The following YES1 variants were observed in gnomAD, a reference collection of about 807,000 sequenced individuals.
The protein encoded by YES1 is YES proto-oncogene 1, Src family tyrosine kinase.
A neutral mutation model predicts 70.4 loss-of-function variants in YES1; 39 were observed. The observed-to-expected ratio is 0.55, with a 90% confidence interval of 0.43 to 0.72. The LOEUF (loss-of-function observed/expected upper bound fraction) is 0.72. Among genes scored for constraint, YES1 ranks in the 30% least tolerant of loss-of-function variants. The pLI is 0.00. For missense variants in YES1, 495 were observed against 644.8 expected (o/e 0.77, Z 2.52); for synonymous variants, 198 against 218.6 (o/e 0.91, Z 0.83).
At chr18:775,523 G>A (rs1164223305) in intron 1 of YES1, among the ~76,000 whole-genome samples, 1 of 152,172 alleles carries the variant, frequency 6.6e-6, no homozygotes, top group Non-Finnish European at 1.5e-5. Context: ...ACGGCCGGAT[G>A]TAGTGGCTCA....
At chr18:783,877 G>T (rs750812978) in intron 1 of YES1, among the ~76,000 whole-genome samples, 1 of 152,120 alleles carries the variant, frequency 6.6e-6, no homozygotes, top group Non-Finnish European at 1.5e-5. Context: ...GCCTCCCAAA[G>T]TGCTGGGATT....
At chr18:731,843 T>C (rs2145675207) in intron 11 of YES1, among the ~76,000 whole-genome samples, 1 of 151,774 alleles carries the variant, frequency 6.6e-6, no homozygotes, top group South Asian at 2.1e-4. Context: ...GGCGGGTGCC[T>C]ATAGTCCTAG....
intron 11 of YES1, among the ~76,000 whole-genome samples, chr18:729,910 C>T (rs558834846): frequency 1.3e-5 from 2 of 152,296 alleles, no homozygotes; most frequent in African/African-American, 4.8e-5. Flanking sequence ...CAGGCGTGAG[C>T]CACAGCGCCC....
At chr18:779,253 A>T (rs1344394888) in intron 1 of YES1, among the ~76,000 whole-genome samples, 1 of 151,964 alleles carries the variant, frequency 6.6e-6, no homozygotes, top group Non-Finnish European at 1.5e-5. Flanking sequence ...AAATTTTTTA[A>T]ATCAGCCAAG....
rs1278146859 is a variant in YES1, at chr18:723,856, T to C, written c.*568A>G. The C allele has an allele frequency of 1.3e-5, 2 of 153,780 alleles. No individual in the cohort carries two copies. Among genetic ancestry groups the C allele is most frequent in the Non-Finnish European group, 2.9e-5 (2 of 68,812 alleles). 9.5% of individuals were successfully genotyped at this position (153,780 alleles called of 1,614,324 possible). ...ACATTTAATCAAGTTTGAGATCCTG[T>C]TTATATTCCTTTTGAAAAACCTGGC... On this transcript the variant is annotated 3_prime_UTR_variant, in exon 12 of 12. Transcript: ENST00000314574.
At chr18:800,535 C>T (rs762131756) in intron 1 of YES1, among the ~76,000 whole-genome samples, 28 of 152,206 alleles carry the variant, frequency 1.8e-4, no homozygotes, top group Non-Finnish European at 2.9e-4. Flanking sequence ...CTAGTATTCC[C>T]GCTAGAAAAC....
rs75320654 is a variant in YES1 at position 774,700 on chromosome 18, G to A, written c.-8-17865C>T. ...CACCTTTCACTAATTCAACAATACT[G>A]AATTATTCTAATAGCCTAACTGGTC... On this transcript the variant is annotated intron_variant, in intron 1 of 11. Transcript: ENST00000314574. Among the ~76,000 whole-genome samples the A allele has an allele frequency of 3.7e-4, 56 of 152,150 alleles. 1 individual carries two copies. In the East Asian group the frequency reaches 9.3e-3, roughly 25 times the overall value.
intron 1 of YES1, among the ~76,000 whole-genome samples, chr18:782,436 A>G (rs888778069): frequency 6.6e-6 from 1 of 152,176 alleles, no homozygotes; most frequent in African/African-American, 2.4e-5. Flanking sequence ...CACCTGAACC[A>G]TGAGATGATA....
intron 1 of YES1, among the ~76,000 whole-genome samples, chr18:767,209 A>G (rs3897601): frequency 0.63 from 95,297 of 152,014 alleles, 30,935 homozygotes; most frequent in African/African-American, 0.81. Flanking sequence ...GAGTACAGTG[A>G]CATGATAATG....
chr18:727,189 T>C (rs2080031107), intron 11 of YES1, among the ~76,000 whole-genome samples: 1 of 152,186 alleles, frequency 6.6e-6, no homozygotes. Context: ...TTTTGGATTT[T>C]TGTTTCCCTG....
In YES1 at chr18:742,993, G is replaced by A. The variant is rs144591033; in HGVS notation, c.985C>T (p.His329Tyr). The change falls in exon 8 of 12, where the codon CAT (histidine) becomes TAT (tyrosine). Residue 329 changes from histidine (H) to tyrosine (Y), a missense_variant. Physicochemically the swap from His to Tyr is moderately conservative, Grantham distance 83 (BLOSUM62 2). Coordinates refer to ENST00000314574, the MANE Select transcript of YES1 (RefSeq NM_005433.4). ...QEAQIMKKLR[H>Y]DKLVPLYAVV... is the part of the protein sequence containing the mutation. ...GCATATAGTGGAACAAGTTTATCAT[G>A]TCTTAATTTTTTCATTATCTGAGCT... 3.7e-6 allele frequency: 6 copies of A among 1,611,466 alleles called. No homozygotes were observed. The highest frequency in any genetic ancestry group is 1.3e-5 in the African/African-American group (1 of 74,790).
At chr18:732,311 G>T (rs374360898) in intron 11 of YES1, among the ~76,000 whole-genome samples, 1 of 151,418 alleles carries the variant, frequency 6.6e-6, no homozygotes, top group Admixed American at 6.6e-5. Flanking sequence ...GTGGTGGTGG[G>T]TGCCTGTAAT....
In YES1 at chr18:743,008, T is replaced by C; in HGVS notation, c.970A>G (p.Met324Val). The C allele has an allele frequency of 6.2e-7, 1 of 1,612,310 alleles. No individual in the cohort carries two copies. Residue 324 changes from methionine to valine, a missense_variant, in exon 8 of 12, where the codon ATG becomes GTG. Met to Val is a conservative substitution (Grantham distance 21). This residue lies in a region of YES1 where 385 missense variants were observed against 540.9 expected (regional missense o/e 0.71). Transcript: ENST00000314574. ...PEAFLQEAQI[M>V]KKLRHDKLVP... ...AGTTTATCATGTCTTAATTTTTTCA[T>C]TATCTGAGCTTCTTGAAGGAAAGCT...
chr18:734,057 T>G (rs948095656), intron 10 of YES1, among the ~76,000 whole-genome samples: 2 of 152,096 alleles, frequency 1.3e-5, no homozygotes, highest in Non-Finnish European at 2.9e-5. Flanking sequence ...GGTGGGCAGA[T>G]CACCTAAGGT....
At chr18:759,745 G>T (rs754695227) in intron 1 of YES1, among the ~76,000 whole-genome samples, 2 of 151,842 alleles carry the variant, frequency 1.3e-5, no homozygotes, top group African/African-American at 2.4e-5. Context: ...TAAGGTTGTA[G>T]GGTACATGTG....
intron 1 of YES1, among the ~76,000 whole-genome samples, chr18:768,653 A>G (rs1161550529): frequency 6.6e-6 from 1 of 152,134 alleles, no homozygotes; most frequent in East Asian, 1.9e-4. Context: ...TAAGATTATA[A>G]TACTGTATTT....
upstream of YES1, chr18:812,447 G>C (rs963849225): frequency 6.6e-5 from 10 of 151,296 alleles, no homozygotes; most frequent in African/African-American, 2.2e-4. Context: ...GGGGCCCCCA[G>C]CCTTCCGGCG....
intron 1 of YES1, among the ~76,000 whole-genome samples, chr18:802,258 G>C (rs1161044891): frequency 6.6e-6 from 1 of 151,700 alleles, no homozygotes; most frequent in Non-Finnish European, 1.5e-5. Context: ...TCTTAAAAAA[G>C]AAAGAAAATA....
intron 1 of YES1, among the ~76,000 whole-genome samples, chr18:773,568 GAC>G (rs1905245781): frequency 6.6e-6 from 1 of 152,154 alleles, no homozygotes; most frequent in Non-Finnish European, 1.5e-5. Flanking sequence ...AGGAAAGACA[GAC>G]ACCAAGAAAT....
Sources: gnomAD v4.1 joint callset for allele counts (sites outside exome capture counted in the v4.1 genomes callset) on GRCh38, gnomAD v4.1.1 for gene constraint, gnomAD v4.1.1 regional missense constraint, MANE v1.5 for transcripts, NCBI Gene and HGNC (gene_info 2026-07-23, HGNC 2026-07-21) for gene names.